Variants in SYT13 observed in about 807,000 individuals in gnomAD.
SYT13 encodes synaptotagmin 13, also known as synaptotagmin-13.
In SYT13, 21 loss-of-function variants were observed where a neutral mutation model predicts 38.6. The observed-to-expected ratio is 0.54, with a 90% CI of 0.39 to 0.78. SYT13 has a LOEUF of 0.78. Among genes scored for constraint, SYT13 ranks in the 30% least tolerant of loss-of-function variants. The pLI is 0.00. For missense variants in SYT13, 495 were observed against 548.7 expected (o/e 0.90, Z 0.98); for synonymous variants, 241 against 237.6 (o/e 1.01, Z -0.13).
intron 4 of SYT13, among the ~76,000 whole-genome samples, chr11:45,246,836 A>C (rs1293955157): frequency 2.0e-5 from 3 of 152,176 alleles, no homozygotes; most frequent in Non-Finnish European, 4.4e-5. Flanking sequence ...AGAATTCCCC[A>C]TTACCCTTCA....
intron 4 of SYT13, among the ~76,000 whole-genome samples, chr11:45,249,109 C>T (rs1397879848): frequency 6.6e-6 from 1 of 152,184 alleles, no homozygotes; most frequent in Admixed American, 6.5e-5. Flanking sequence ...ACAGACACTT[C>T]TCAAAAGAAG....
At chr11:45,255,263 T>C (rs1316645329) in intron 2 of SYT13, among the ~76,000 whole-genome samples, 1 of 152,210 alleles carries the variant, frequency 6.6e-6, no homozygotes, top group Non-Finnish European at 1.5e-5. Flanking sequence ...AGACAGATAA[T>C]AGTCTAGTCT....
At chr11:45,276,006 T>C (rs1349064496) in intron 1 of SYT13, among the ~76,000 whole-genome samples, 1 of 152,214 alleles carries the variant, frequency 6.6e-6, no homozygotes, top group Non-Finnish European at 1.5e-5. Context: ...GGGTTGCCCA[T>C]GTGGACTCAT....
chr11:45,252,854 C>A lies in SYT13; in HGVS notation c.545-132G>T. On this transcript the variant is annotated intron_variant, in intron 3 of 5. Transcript: ENST00000020926. This position sits in a 1 kb window ranked among gnomAD's most constrained non-coding sequence, Gnocchi z 4.3. ...TTGGGTGTCAGAAAGGCTGACCACC[C>A]TGGGCACCAGGGAATCGCCTTTCAG... 1.1e-6 allele frequency: 1 copy of A among 908,464 alleles called. No homozygotes were observed. Among genetic ancestry groups the A allele is most frequent in the Non-Finnish European group, 1.6e-6 (1 of 632,242 alleles). The allele number at this position is 908,464 out of a possible 1,614,324, so 56.3% of individuals were successfully genotyped here. A position where few individuals can be genotyped will look rare whatever the true frequency, so the allele number is the denominator to read the frequency against.
At chr11:45,266,255 C>A (rs1345173352) in intron 1 of SYT13, among the ~76,000 whole-genome samples, 3 of 152,128 alleles carry the variant, frequency 2.0e-5, no homozygotes, top group Non-Finnish European at 4.4e-5. Context: ...CTCAAACTTT[C>A]TTTCCAAATA....
At chr11:45,247,434 G>A (rs762034254) in intron 4 of SYT13, among the ~76,000 whole-genome samples, 3 of 152,202 alleles carry the variant, frequency 2.0e-5, no homozygotes, top group Non-Finnish European at 4.4e-5. Context: ...AGATGGAGTG[G>A]GGAGTGGGAG....
chr11:45,267,468 C>T (rs1170712540), intron 1 of SYT13, among the ~76,000 whole-genome samples: 2 of 152,062 alleles, frequency 1.3e-5, no homozygotes, highest in Non-Finnish European at 2.9e-5. Context: ...ATTCCCAGGC[C>T]CCCCAGAGGT....
chr11:45,251,285 A>G (rs1854670510), intron 4 of SYT13, among the ~76,000 whole-genome samples: 1 of 147,358 alleles, frequency 6.8e-6, no homozygotes, highest in Admixed American at 6.9e-5. Flanking sequence ...GCTACTCAGG[A>G]GGCTGAGGCA....
chr11:45,269,536 T>C lies in SYT13; in HGVS notation c.184-13645A>G, dbSNP rs988110526. 13 of 1,195,512 alleles carry C rather than the reference T, an allele frequency of 1.1e-5. No homozygotes were observed. The African/African-American group carries it at 1.3e-4, about 12-fold the overall frequency. 74.1% of individuals were successfully genotyped at this position (1,195,512 alleles called of 1,614,324 possible). A position where few individuals can be genotyped will look rare whatever the true frequency, so the allele number is the denominator to read the frequency against. The stretch of plus-strand genomic sequence containing the variant: ...GCAATGCACAACACAAACTTTATTG[T>C]ATTTAATCTTCACGCAACTATAGAT... On this transcript the variant is annotated intron_variant, in intron 1 of 5. Coordinates refer to ENST00000020926, the MANE Select transcript of SYT13 (RefSeq NM_020826.3).
At chr11:45,260,348 G>A (rs1565384614) in intron 1 of SYT13, among the ~76,000 whole-genome samples, 1 of 152,172 alleles carries the variant, frequency 6.6e-6, no homozygotes, top group Non-Finnish European at 1.5e-5. Flanking sequence ...TTCAAACCTG[G>A]TTCCATCACA....
At chr11:45,248,915 A>G (rs920993230) in intron 4 of SYT13, among the ~76,000 whole-genome samples, 5 of 152,236 alleles carry the variant, frequency 3.3e-5, no homozygotes, top group African/African-American at 1.2e-4. Context: ...GTACCTGCAG[A>G]CTAAAGTAAT....
chr11:45,275,717 C>T (rs1366865156), intron 1 of SYT13, among the ~76,000 whole-genome samples: 1 of 152,174 alleles, frequency 6.6e-6, no homozygotes, highest in East Asian at 1.9e-4. Flanking sequence ...AGGGGCAAGG[C>T]TCCTCCAGGC....
intron 1 of SYT13, among the ~76,000 whole-genome samples, chr11:45,263,275 T>A (rs1052005035): frequency 3.3e-5 from 5 of 152,224 alleles, no homozygotes; most frequent in Non-Finnish European, 7.3e-5. Context: ...CCTTCCCTTA[T>A]GGGGCTTATG....
At chr11:45,283,144 T>C (rs987424978) in intron 1 of SYT13, among the ~76,000 whole-genome samples, 7 of 152,188 alleles carry the variant, frequency 4.6e-5, no homozygotes, top group Non-Finnish European at 4.4e-5. Flanking sequence ...TCAGACCTTA[T>C]GTAAAAAATA....
At chr11:45,280,517 A>G (rs966669369) in intron 1 of SYT13, among the ~76,000 whole-genome samples, 1 of 152,248 alleles carries the variant, frequency 6.6e-6, no homozygotes, top group Non-Finnish European at 1.5e-5. Context: ...GTATAACTGC[A>G]GACAGAAAAG....
chr11:45,274,997 C>T (rs983389713), intron 1 of SYT13, among the ~76,000 whole-genome samples: 3 of 152,120 alleles, frequency 2.0e-5, no homozygotes, highest in African/African-American at 7.2e-5. Flanking sequence ...CACATGCTTC[C>T]TGCTGGTCTT....
At chr11:45,271,208 T>C (rs1241293342) in intron 1 of SYT13, among the ~76,000 whole-genome samples, 1 of 152,228 alleles carries the variant, frequency 6.6e-6, no homozygotes, top group Non-Finnish European at 1.5e-5. Flanking sequence ...TATCCATTAA[T>C]AGGAATTGAT....
At position 45,255,867 on chromosome 11, in the gene SYT13, G is replaced by T. The variant is rs1033449705; in HGVS notation, c.208C>A (p.Pro70Thr). The change falls in exon 2 of 6, where the codon CCT (proline) becomes ACT (threonine). Residue 70 changes from proline (P) to threonine (T), a missense_variant. By Grantham distance (38) the Pro-to-Thr change is conservative. Transcript: ENST00000020926. ...TTGAGGAGGGCACGGGGCTGAACAG[G>T]TTCCGTGGACTTTTTAACATTGAAC... The part of the protein sequence containing the change: ...QQFNVKKSTE[P>T]VQPRALLKFP... The T allele has an allele frequency of 1.4e-5, 22 of 1,614,078 alleles. No individual in the cohort carries two copies. The highest frequency in any genetic ancestry group is 1.9e-5 in the Non-Finnish European group (22 of 1,180,038).
At chr11:45,261,515 G>A (rs529771471) in intron 1 of SYT13, among the ~76,000 whole-genome samples, 10 of 151,962 alleles carry the variant, frequency 6.6e-5, no homozygotes, top group South Asian at 2.1e-4. Context: ...GAAGAATGGC[G>A]TGAACCCAGA....
Sources: allele counts gnomAD v4.1 joint callset (sites outside exome capture counted in the v4.1 genomes callset), GRCh38; gene constraint gnomAD v4.1.1; non-coding constraint Gnocchi (gnomAD v3.1); transcripts MANE v1.5; gene names NCBI Gene and HGNC (gene_info 2026-07-23, HGNC 2026-07-21).